Variants in CDK14 observed in about 807,000 individuals in gnomAD.
CDK14 encodes cyclin dependent kinase 14.
A neutral mutation model predicts 60.7 loss-of-function variants in CDK14; 34 were observed. That is an observed-to-expected ratio of 0.56 (90% CI 0.43 to 0.75). The LOEUF (loss-of-function observed/expected upper bound fraction) is 0.75, where lower values mean the gene tolerates loss of function less well. CDK14 is among the 30% of genes least tolerant of loss of function. The pLI, the probability that CDK14 is intolerant of heterozygous loss-of-function variation, is 0.00. For missense variants in CDK14, 482 were observed against 564.1 expected, an observed-to-expected ratio of 0.85 and a Z score of 1.47; for synonymous variants, 197 against 203.7, an observed-to-expected ratio of 0.97 and a Z score of 0.28.
intron 4 of CDK14, 115 bp from the exon 5 acceptor site, chr7:90,790,458 C>T: frequency 1.7e-6 from 1 of 598,650 alleles, no homozygotes; most frequent in Non-Finnish European, 2.8e-6. Flanking sequence ...AATTGAATCA[C>T]TGACATTTTT....
chr7:91,176,382 AC>A (rs747423763), intron 14 of CDK14, among the ~76,000 whole-genome samples: 62 of 152,302 alleles, frequency 4.1e-4, no homozygotes, highest in Middle Eastern at 3.4e-3. Context: ...TGACACCCTA[AC>A]ATCACAATTA....
chr7:91,151,061 C>T (rs1420666468), intron 14 of CDK14, among the ~76,000 whole-genome samples: 1 of 152,078 alleles, frequency 6.6e-6, no homozygotes, highest in African/African-American at 2.4e-5. Flanking sequence ...TGCAGTGTCC[C>T]GAGGATTGTA....
chr7:90,832,732 A>G (rs944313228), intron 5 of CDK14, among the ~76,000 whole-genome samples: 2 of 152,218 alleles, frequency 1.3e-5, no homozygotes, highest in Non-Finnish European at 2.9e-5. Flanking sequence ...TATCTTAAGC[A>G]TGTGTGTGGG....
intron 8 of CDK14, among the ~76,000 whole-genome samples, chr7:90,950,890 A>G (rs1408183413): frequency 6.6e-6 from 1 of 152,226 alleles, no homozygotes; most frequent in Non-Finnish European, 1.5e-5. Flanking sequence ...GAACACCATA[A>G]GAAAATATTT....
chr7:90,733,325 G>C (rs1802949023), intron 3 of CDK14, among the ~76,000 whole-genome samples: 1 of 152,114 alleles, frequency 6.6e-6, no homozygotes, highest in Non-Finnish European at 1.5e-5. Flanking sequence ...GATTTGGGGT[G>C]GAGAGTTCTG....
chr7:91,136,909 T>C (rs902881002), intron 14 of CDK14, among the ~76,000 whole-genome samples: 2 of 152,212 alleles, frequency 1.3e-5, no homozygotes, highest in African/African-American at 4.8e-5. Flanking sequence ...AAAAGAAAGA[T>C]AAAGCACACT....
chr7:90,672,385 T>TA (rs143962613), intron 2 of CDK14, among the ~76,000 whole-genome samples: 2,351 of 152,028 alleles, frequency 0.015, 85 homozygotes, highest in African/African-American at 0.052. Context: ...TGGACCTTTT[T>TA]AAAAAAACAC....
chr7:90,869,039 T>A (rs143127991), intron 6 of CDK14, among the ~76,000 whole-genome samples: 177 of 152,334 alleles, frequency 1.2e-3, no homozygotes, highest in African/African-American at 4.1e-3. Context: ...CAGAATTTAC[T>A]TAATTATTTG....
Position 90,780,365 on chromosome 7 carries a change from A to G in CDK14, c.465-10208A>G, listed in dbSNP as rs889294274. ...TCTGTAATACCCTCCAAAATGACCA[A>G]TTAGGTTTTTTATTTCATTTTAAAA... On this transcript the variant is annotated intron_variant, in intron 4 of 14. Coordinates refer to ENST00000380050, the MANE Select transcript of CDK14 (RefSeq NM_001287135.2). Among the ~76,000 whole-genome samples, 7 of 151,630 alleles carry G rather than the reference A, an allele frequency of 4.6e-5. No individual in the cohort carries two copies. In the East Asian group the frequency reaches 5.8e-4, roughly 13 times the overall value.
intron 2 of CDK14, among the ~76,000 whole-genome samples, chr7:90,714,722 C>G (rs1461246506): frequency 1.3e-5 from 2 of 152,020 alleles, no homozygotes; most frequent in Non-Finnish European, 2.9e-5. Context: ...TTCCTGAACA[C>G]TTTGATGGAG....
At chr7:91,116,525 G>C (rs766621034) in intron 13 of CDK14, among the ~76,000 whole-genome samples, 1 of 152,126 alleles carries the variant, frequency 6.6e-6, no homozygotes. Context: ...TATATGTTCT[G>C]TATATCATCC....
intron 4 of CDK14, among the ~76,000 whole-genome samples, chr7:90,769,161 T>C (rs1217647135): frequency 6.6e-6 from 1 of 152,214 alleles, no homozygotes; most frequent in African/African-American, 2.4e-5. Context: ...GTCCTATTTA[T>C]TTTCTGGGCT....
chr7:90,978,393 G>A (rs201419741), intron 9 of CDK14, among the ~76,000 whole-genome samples: 6 of 152,172 alleles, frequency 3.9e-5, no homozygotes, highest in East Asian at 3.9e-4. Flanking sequence ...TAGGGTATGA[G>A]TAGAAAGAAA....
At chr7:90,626,728 C>T (rs2116388438) in intron 2 of CDK14, among the ~76,000 whole-genome samples, 1 of 152,140 alleles carries the variant, frequency 6.6e-6, no homozygotes, top group East Asian at 1.9e-4. Context: ...TGGCTTGAGC[C>T]CAGGAGTTGG....
intron 8 of CDK14, among the ~76,000 whole-genome samples, chr7:90,928,818 G>A (rs1793501640): frequency 6.6e-6 from 1 of 152,248 alleles, no homozygotes. Context: ...GCTGCCCCCA[G>A]AGGTGGAGTG....
intron 8 of CDK14, among the ~76,000 whole-genome samples, chr7:90,938,793 T>C (rs1406692676): frequency 6.6e-6 from 1 of 152,172 alleles, no homozygotes; most frequent in Admixed American, 6.5e-5. Context: ...ATTCCATGTG[T>C]GTTTGCTTTG....
chr7:90,863,291 A>C (rs1377501235), intron 6 of CDK14, 22 bp downstream of exon 6: 1 of 1,356,290 alleles, frequency 7.4e-7, no homozygotes. Flanking sequence ...AAGACTTTTA[A>C]ATTTAGACAT....
At chr7:90,623,982 G>C (rs542166595) in intron 2 of CDK14, among the ~76,000 whole-genome samples, 2 of 152,270 alleles carry the variant, frequency 1.3e-5, no homozygotes, top group Non-Finnish European at 2.9e-5. Flanking sequence ...GAGTGTCATT[G>C]CATATTTATA....
intron 8 of CDK14, among the ~76,000 whole-genome samples, chr7:90,936,889 G>T (rs930259442): frequency 2.6e-5 from 4 of 152,102 alleles, no homozygotes; most frequent in African/African-American, 9.6e-5. Flanking sequence ...GACTAACCTG[G>T]GTAATGTAGT....
Sources: gnomAD v4.1 joint callset for allele counts (sites outside exome capture counted in the v4.1 genomes callset) on GRCh38, gnomAD v4.1.1 for gene constraint, MANE v1.5 for transcripts, NCBI Gene and HGNC (gene_info 2026-07-23, HGNC 2026-07-21) for gene names.